The following C11orf24 variants were observed in gnomAD, a reference collection of about 807,000 sequenced individuals.
The protein encoded by C11orf24 is uncharacterized protein C11orf24.
Under a neutral mutation model 7.3 loss-of-function variants are expected in C11orf24, and 5 were observed. That is an observed-to-expected ratio of 0.69 (90% confidence interval 0.36 to 1.45). The LOEUF is 1.45. C11orf24 is among the 40% of genes most tolerant of loss of function. The pLI, the probability that C11orf24 is intolerant of heterozygous loss-of-function variation, is 0.03. For missense variants in C11orf24, 566 were observed against 590.5 expected, an observed-to-expected ratio of 0.96 and a Z score of 0.43; for synonymous variants, 233 against 235.7, an observed-to-expected ratio of 0.99 and a Z score of 0.11.
rs143548724 is a variant in C11orf24, at chr11:68,262,270, G to A, written c.725C>T (p.Ala242Val). 4.0e-3 allele frequency: 6,529 copies of A among 1,613,274 alleles called. 37 individuals carry two copies. Among genetic ancestry groups the A allele is most frequent in the Middle Eastern group, 0.013 (77 of 6,062 alleles). Residue 242 changes from alanine to valine, a missense_variant, in exon 4 of 4, where the codon GCG becomes GTG. Physicochemically the swap from Ala to Val is moderately conservative, Grantham distance 64. Coordinates refer to ENST00000304271, the MANE Select transcript of C11orf24 (RefSeq NM_022338.4). ...SPSKHMPSDTAASPVPPMRPQ... is the reference protein window; with the variant it reads ...SPSKHMPSDTVASPVPPMRPQ... Reference sequence around the variant, plus strand: ...ACGCATAGGGGGTACAGGGCTTGCCGCGGTGTCACTGGGCATGTGCTTGGA... The same window carrying A: ...ACGCATAGGGGGTACAGGGCTTGCCACGGTGTCACTGGGCATGTGCTTGGA...
intron 3 of C11orf24, 33 bp downstream of exon 3, chr11:68,263,659 C>T (rs2098563110): frequency 6.3e-7 from 1 of 1,598,396 alleles, no homozygotes; most frequent in Non-Finnish European, 8.6e-7. Context: ...CCACCGTGGG[C>T]CCATCCAGCA....
In C11orf24 at chr11:68,262,640, T is replaced by C; in HGVS notation, c.355A>G (p.Ile119Val). ...GTCATACTGGAGGCCGCAGTCGTAA[T>C]GGAGGCCGCAGTCGTACTGGAGGCC... is the stretch of plus-strand genomic sequence containing the variant. ...AVASSTTAAS[I>V]TTAASSMTVA... The change falls in exon 4 of 4, where the codon ATT (isoleucine) becomes GTT (valine). Residue 119 changes from isoleucine (I) to valine (V), a missense_variant. Transcript: ENST00000304271. 1.2e-6 allele frequency: 2 copies of C among 1,613,874 alleles called. No homozygotes were observed. The highest frequency in any genetic ancestry group is 8.5e-7 in the Non-Finnish European group (1 of 1,179,982).
At position 68,271,964 on chromosome 11, in the gene C11orf24, A is replaced by C. The variant is rs1410954805; in HGVS notation, c.-405T>G. 1 of 152,114 alleles carries C rather than the reference A, an allele frequency of 6.6e-6. No homozygotes were observed. The highest frequency in any genetic ancestry group is 1.5e-5 in the Non-Finnish European group (1 of 68,022). The allele number at this position is 152,114 out of a possible 1,614,324, so 9.4% of individuals were successfully genotyped here. On this transcript the variant is annotated 5_prime_UTR_variant, in exon 1 of 4. Transcript: ENST00000304271. ...CAGCGCAACCCAGGCAGCTCCGGGC[A>C]GCGCGCCCTGCCCGGGCCCCGCCCA...
Position 68,262,537 on chromosome 11 carries a change from CTGGAGGCTGCAGTCGTGGGAGCAA to C in C11orf24, c.434_457del (p.Ile145_Ser152del), listed in dbSNP as rs1565289678. On this transcript the variant is annotated inframe_deletion, in exon 4 of 4. Coordinates refer to ENST00000304271, the MANE Select transcript of C11orf24 (RefSeq NM_022338.4). The stretch of plus-strand genomic sequence containing the variant: ...GGGAGTGCTGGAGGCCGCAGTCATA[CTGGAGGCTGCAGTCGTGGGAGCAA>C]TGGAGGCCACAGTTGTACTGGAGGC... 6.2e-7 allele frequency: 1 copy of C among 1,610,882 alleles called. No individual in the cohort carries two copies. The highest frequency in any genetic ancestry group is 1.3e-5 in the African/African-American group (1 of 74,874).
At chr11:68,263,035 A>G (rs2153103355) in intron 3 of C11orf24, 117 bp from the exon 4 acceptor site, 1 of 798,118 alleles carries the variant, frequency 1.3e-6, no homozygotes, top group East Asian at 2.6e-5. Flanking sequence ...GCCCAGCCAG[A>G]GTCGGGGGAG....
At position 68,261,586 on chromosome 11, in the gene C11orf24, C is replaced by A. The variant is rs942268233; in HGVS notation, c.*59G>T. 461 of 1,497,908 alleles carry A rather than the reference C, an allele frequency of 3.1e-4. 5 individuals are homozygous for A. Among genetic ancestry groups the A allele is most frequent in the Admixed American group, 1.4e-3 (65 of 46,468 alleles). 92.8% of individuals were successfully genotyped at this position (1,497,908 alleles called of 1,614,324 possible). A position where few individuals can be genotyped will look rare whatever the true frequency, so the allele number is the denominator to read the frequency against. ...AATTTGGAAGCACTTGGTTTGGTCT[C>A]AAAGGCAAAAGGAAAGGACGAGGAA... On this transcript the variant is annotated 3_prime_UTR_variant, in exon 4 of 4. Transcript: ENST00000304271.
intron 2 of C11orf24, among the ~76,000 whole-genome samples, chr11:68,266,215 T>A (rs755928224): frequency 1.3e-5 from 2 of 152,136 alleles, no homozygotes; most frequent in Non-Finnish European, 2.9e-5. Flanking sequence ...GGGAGTGACA[T>A]GGGACATGGG....
rs777141577 is a variant in C11orf24 at position 68,262,760 on chromosome 11, C to A, written c.235G>T (p.Val79Phe). The A allele has an allele frequency of 5.0e-6, 8 of 1,614,122 alleles. No homozygotes were observed. The highest frequency in any genetic ancestry group is 5.9e-6 in the Non-Finnish European group (7 of 1,180,020). The change falls in exon 4 of 4, where the codon GTC (valine) becomes TTC (phenylalanine). Residue 79 changes from valine (V) to phenylalanine (F), a missense_variant. Transcript: ENST00000304271. Reference protein sequence around the residue: ...TSAAHLNSMEVTTEDTSRTDV... With the variant: ...TSAAHLNSMEFTTEDTSRTDV... ...GTCCTGCTTGTGTCCTCTGTTGTGA[C>A]TTCCATAGAGTTGAGGTGGGCTGCC... is the stretch of plus-strand genomic sequence containing the variant.
At chr11:68,268,429 C>T (rs184600503) in intron 1 of C11orf24, among the ~76,000 whole-genome samples, 178 bp from the exon 2 acceptor site, 6 of 152,332 alleles carry the variant, frequency 3.9e-5, no homozygotes, top group East Asian at 3.9e-4. Context: ...CGGTGGCTCA[C>T]GCCTGTAATC....
Position 68,261,535 on chromosome 11 carries a change from G to A in C11orf24, c.*110C>T. The A allele has an allele frequency of 1.2e-6, 1 of 864,896 alleles. No individual in the cohort carries two copies. Among genetic ancestry groups the A allele is most frequent in the Non-Finnish European group, 1.8e-6 (1 of 555,376 alleles). 53.6% of individuals were successfully genotyped at this position (864,896 alleles called of 1,614,324 possible). On this transcript the variant is annotated 3_prime_UTR_variant, in exon 4 of 4. Coordinates refer to ENST00000304271, the MANE Select transcript of C11orf24 (RefSeq NM_022338.4). ...GCAATTAAATGTGTTTAAGCATCTG[G>A]CATATCTCCTCAATTGCACCAAAAG...
Position 68,271,968 on chromosome 11 carries a change from C to G in C11orf24, c.-409G>C, listed in dbSNP as rs527842959. ...GCAACCCAGGCAGCTCCGGGCAGCG[C>G]GCCCTGCCCGGGCCCCGCCCAAACG... On this transcript the variant is annotated 5_prime_UTR_variant, in exon 1 of 4. Transcript: ENST00000304271. The G allele has an allele frequency of 2.6e-5, 4 of 152,140 alleles. No homozygotes were observed. The highest frequency in any genetic ancestry group is 7.2e-5 in the African/African-American group (3 of 41,430). The allele number at this position is 152,140 out of a possible 1,614,324, so 9.4% of individuals were successfully genotyped here. A position where few individuals can be genotyped will look rare whatever the true frequency, so the allele number is the denominator to read the frequency against.
At chr11:68,269,211 T>G (rs2098566676) in intron 1 of C11orf24, among the ~76,000 whole-genome samples, 1 of 152,086 alleles carries the variant, frequency 6.6e-6, no homozygotes, top group Admixed American at 6.6e-5. Flanking sequence ...TTCAAGCCAC[T>G]AAGCAGAAAG....
At chr11:68,271,478 G>C (rs2098567934) in intron 1 of C11orf24, among the ~76,000 whole-genome samples, 1 of 152,098 alleles carries the variant, frequency 6.6e-6, no homozygotes. Flanking sequence ...GGGCTTGCCC[G>C]GGAAAGACCC....
At position 68,261,905 on chromosome 11, in the gene C11orf24, TC is replaced by T; in HGVS notation, c.1089del (p.Ser364AlafsTer34). The part of the protein sequence containing the change: ...PGTDSTGPTP[R>X]SSGGTKMPAT... ...GCTGGCATCTTAGTGCCCCCTGAGC[TC>T]CTGGGTGTTGGCCCAGTGGAATCAG... On this transcript the variant is annotated frameshift_variant, in exon 4 of 4. Coordinates refer to ENST00000304271, the MANE Select transcript of C11orf24 (RefSeq NM_022338.4). LOFTEE classifies it low-confidence loss of function (END_TRUNC). 6.2e-7 allele frequency: 1 copy of T among 1,613,954 alleles called. No individual in the cohort carries two copies. The highest frequency in any genetic ancestry group is 8.5e-7 in the Non-Finnish European group (1 of 1,180,038).
chr11:68,262,719 T>G lies in C11orf24; in HGVS notation c.276A>C (p.Pro92=), dbSNP rs772238799. The G allele has an allele frequency of 1.9e-6, 3 of 1,614,096 alleles. No individual in the cohort carries two copies. In the South Asian group the frequency reaches 3.3e-5, roughly 18 times the overall value. ...EDTSRTDVSE[P]ATSGGAADGV... ...CATCAGCTGCACCTCCTGAAGTTGC[T>G]GGTTCACTCACATCTGTCCTGCTTG... The change falls in exon 4 of 4, where the codon CCA becomes CCC. Residue 92 remains proline, a synonymous_variant. Transcript: ENST00000304271.
chr11:68,266,292 G>A (rs2098565097), intron 2 of C11orf24, among the ~76,000 whole-genome samples: 1 of 152,234 alleles, frequency 6.6e-6, no homozygotes, highest in African/African-American at 2.4e-5. Flanking sequence ...AGCACTTCCA[G>A]CTACGCAAAA....
At chr11:68,263,037 T>A (rs975023852) in intron 3 of C11orf24, 119 bp from the exon 4 acceptor site, 11 of 778,516 alleles carry the variant, frequency 1.4e-5, no homozygotes, top group Non-Finnish European at 2.3e-5. Context: ...CCAGCCAGAG[T>A]CGGGGGAGGT....
intron 2 of C11orf24, 60 bp downstream of exon 2, chr11:68,267,994 C>A: frequency 6.6e-6 from 1 of 152,538 alleles, no homozygotes; most frequent in Admixed American, 6.5e-5. Flanking sequence ...AAAGCTCCCT[C>A]TGGGCTCACC....
intron 1 of C11orf24, among the ~76,000 whole-genome samples, chr11:68,270,590 A>AC (rs1331247285): frequency 2.6e-5 from 4 of 151,810 alleles, no homozygotes; most frequent in Non-Finnish European, 5.9e-5. Flanking sequence ...ATCTCTTAAA[A>AC]AAAAAAAAAA....
Sources: allele counts gnomAD v4.1 joint callset (sites outside exome capture counted in the v4.1 genomes callset), GRCh38; gene constraint gnomAD v4.1.1; transcripts MANE v1.5; gene names NCBI Gene and HGNC (gene_info 2026-07-23, HGNC 2026-07-21).